PDCD2: variants seen among roughly 807,000 people sequenced by gnomAD.
PDCD2 encodes programmed cell death 2, also known as uS5 assembly chaperone PDCD2.
PDCD2 carries 38 observed loss-of-function variants against 38.1 expected under a neutral mutation model. The observed-to-expected ratio is 1.00, with a 90% CI of 0.77 to 1.31. The LOEUF is 1.31. Among genes scored for constraint, PDCD2 ranks in the 50% most tolerant of loss-of-function variants. The pLI is 0.00. For missense variants in PDCD2, 473 were observed against 435.7 expected (o/e 1.09, Z -0.76); for synonymous variants, 205 against 168.9 (o/e 1.21, Z -1.66).
Position 170,577,340 on chromosome 6 carries a change from T to TTA in PDCD2, c.*217_*218dup. On this transcript the variant is annotated 3_prime_UTR_variant, in exon 6 of 6. Transcript: ENST00000541970. ...TCTGTTGTCAATATAGGTGTTATAATTAAGACTGTGTAGCCTTCCTCTGTG... is the reference window on the plus strand; with the variant it reads ...TCTGTTGTCAATATAGGTGTTATAATTATAAGACTGTGTAGCCTTCCTCTGTG... 2.0e-6 allele frequency: 1 copy of TTA among 495,314 alleles called. No homozygotes were observed. The highest frequency in any genetic ancestry group is 3.6e-6 in the Non-Finnish European group (1 of 274,616). 30.7% of individuals were successfully genotyped at this position (495,314 alleles called of 1,614,324 possible).
intron 3 of PDCD2, chr6:170,581,013 A>G (rs549648288): frequency 2.0e-5 from 3 of 152,186 alleles, no homozygotes; most frequent in Non-Finnish European, 2.9e-5. Flanking sequence ...CCGTTAGGAC[A>G]CTGTAAATGC....
At chr6:170,580,403 C>G (rs1237051528) in intron 3 of PDCD2, among the ~76,000 whole-genome samples, 3 of 152,192 alleles carry the variant, frequency 2.0e-5, no homozygotes, top group African/African-American at 7.2e-5. Flanking sequence ...CTGGTAGGCT[C>G]ACTCACTCAG....
chr6:170,579,169 GT>G (rs751781506), intron 4 of PDCD2, 199 bp from the exon 5 acceptor site: 1 of 534,356 alleles, frequency 1.9e-6, no homozygotes, highest in Non-Finnish European at 3.3e-6. Context: ...GATTATTTCA[GT>G]TTATCTGACT....
intron 4 of PDCD2, chr6:170,579,688 G>T (rs1779541044): frequency 1.1e-5 from 2 of 190,134 alleles, no homozygotes; most frequent in Non-Finnish European, 2.1e-5. Context: ...GGGGCCAATG[G>T]TGCCTAAACC....
intron 3 of PDCD2, 58 bp downstream of exon 3, chr6:170,582,999 C>T (rs748570130): frequency 1.3e-6 from 2 of 1,572,786 alleles, no homozygotes; most frequent in Non-Finnish European, 1.7e-6. Context: ...CACATGGAGC[C>T]CTTTCTTCCA....
intron 1 of PDCD2, chr6:170,584,092 C>T: frequency 2.0e-6 from 1 of 507,370 alleles, no homozygotes; most frequent in East Asian, 3.5e-5. Flanking sequence ...GTTACCAATG[C>T]GCGTGGGCAC....
In PDCD2 at chr6:170,577,376, AATTT is replaced by A. The variant is rs1401429229; in HGVS notation, c.*179_*182del. The A allele has an allele frequency of 7.0e-6, 4 of 572,206 alleles. No homozygotes were observed. Among genetic ancestry groups the A allele is most frequent in the Admixed American group, 6.1e-5 (2 of 32,572 alleles). 35.4% of individuals were successfully genotyped at this position (572,206 alleles called of 1,614,324 possible). A position where few individuals can be genotyped will look rare whatever the true frequency, so the allele number is the denominator to read the frequency against. ...TAGCCTTCCTCTGTGGATGTACCAA[AATTT>A]ATTTAATTCCCTGTCACTGGACACT... is the stretch of plus-strand genomic sequence containing the variant. On this transcript the variant is annotated 3_prime_UTR_variant, in exon 6 of 6. Transcript: ENST00000541970.
Position 170,584,526 on chromosome 6 carries a change from G to T in PDCD2, c.56C>A (p.Ala19Glu). Residue 19 changes from alanine to glutamate, a missense_variant, in exon 1 of 6, where the codon GCG becomes GAG. Transcript: ENST00000541970. ...GAACTGCTCGCTGCGCAGTCGCCAC[G>T]CCGGCGCCGACTCGGCGAAGCCCAG... ...VELGFAESAP[A>E]WRLRSEQFPS... The T allele has an allele frequency of 7.3e-7, 1 of 1,364,584 alleles. No homozygotes were observed. Among genetic ancestry groups the T allele is most frequent in the Non-Finnish European group, 9.4e-7 (1 of 1,060,736 alleles). 84.5% of individuals were successfully genotyped at this position (1,364,584 alleles called of 1,614,324 possible).
chr6:170,583,995 A>C (rs1349447799), intron 1 of PDCD2: 5 of 553,228 alleles, frequency 9.0e-6, no homozygotes, highest in Non-Finnish European at 1.6e-5. Context: ...CAAAAATACG[A>C]AAAAGCTACT....
intron 1 of PDCD2, chr6:170,584,042 A>AT: frequency 1.8e-6 from 1 of 540,840 alleles, no homozygotes; most frequent in Non-Finnish European, 3.2e-6. Context: ...TATTATCTGA[A>AT]TTAACACCAT....
intron 2 of PDCD2, 135 bp downstream of exon 2, chr6:170,583,370 T>C (rs992024624): frequency 1.3e-5 from 13 of 1,036,188 alleles, no homozygotes; most frequent in Non-Finnish European, 1.5e-5. Context: ...TTTTTTTTTT[T>C]ACAAAGGTGT....
At chr6:170,582,435 T>A in intron 3 of PDCD2, 1 of 1,439,510 alleles carries the variant, frequency 6.9e-7, no homozygotes, top group Non-Finnish European at 9.1e-7. Context: ...AAATTTAATA[T>A]TATGTGACCA....
rs912549147 is a variant in PDCD2, at chr6:170,575,481, G to C, written c.*2078C>G. On this transcript the variant is annotated 3_prime_UTR_variant, in exon 6 of 6. Coordinates refer to ENST00000541970, the MANE Select transcript of PDCD2 (RefSeq NM_002598.4). ...ACTTTGTAGGTGTTGAGAAATGGTG[G>C]ATGCATGGACTGGCACCGTCTGTGG... is the stretch of plus-strand genomic sequence containing the variant. The C allele has an allele frequency of 6.6e-6, 1 of 152,174 alleles. No homozygotes were observed. Among genetic ancestry groups the C allele is most frequent in the Non-Finnish European group, 1.5e-5 (1 of 68,042 alleles). 9.4% of individuals were successfully genotyped at this position (152,174 alleles called of 1,614,324 possible). A position where few individuals can be genotyped will look rare whatever the true frequency, so the allele number is the denominator to read the frequency against.
At position 170,584,406 on chromosome 6, in the gene PDCD2, G is replaced by T; in HGVS notation, c.176C>A (p.Ser59Tyr). The stretch of plus-strand genomic sequence containing the variant: ...CGGCGCATACACCTGCAGCAGGAAG[G>T]AGAGCGGGCGGCCGCACAGCTCGCA... ...LACELCGRPL[S>Y]FLLQVYAPLP... Residue 59 changes from serine (S) to tyrosine (Y), a missense_variant, in exon 1 of 6, where the codon TCC (serine) becomes TAC (tyrosine). Transcript: ENST00000541970. The T allele has an allele frequency of 1.4e-6, 2 of 1,426,246 alleles. No homozygotes were observed. Among genetic ancestry groups the T allele is most frequent in the South Asian group, 1.6e-5 (1 of 63,738 alleles). The allele number at this position is 1,426,246 out of a possible 1,614,324, so 88.3% of individuals were successfully genotyped here.
Position 170,583,691 on chromosome 6 carries a change from C to A in PDCD2, c.340G>T (p.Glu114Ter). Residue 114 changes from glutamate (E) to a stop codon, truncating the protein, a stop_gained, in exon 2 of 6, where the codon GAG becomes TAG. Coordinates refer to ENST00000541970, the MANE Select transcript of PDCD2 (RefSeq NM_002598.4). LOFTEE classifies it high-confidence loss of function. The stretch of plus-strand genomic sequence containing the variant: ...TCTCCTGTTTCTGGGGGAGGATTCT[C>A]AGAAGGTGGCTCATATGAGTAAAAA... The part of the protein sequence containing the change: ...NDFYSYEPPS[E>*]NPPPETGESV... The A allele has an allele frequency of 6.2e-7, 1 of 1,613,858 alleles. No individual in the cohort carries two copies. Among genetic ancestry groups the A allele is most frequent in the Non-Finnish European group, 8.5e-7 (1 of 1,179,754 alleles).
rs532832776 is a variant in PDCD2, at chr6:170,584,594, C to T, written c.-13G>A. On this transcript the variant is annotated 5_prime_UTR_variant, in exon 1 of 6. Coordinates refer to ENST00000541970, the MANE Select transcript of PDCD2 (RefSeq NM_002598.4). ...CGGCGGCAGCCATGCGGGGCGCGGGCTGGCGTGGGGCGCAGCCCACAGCTG... is the reference window on the plus strand; with the variant it reads ...CGGCGGCAGCCATGCGGGGCGCGGGTTGGCGTGGGGCGCAGCCCACAGCTG... 5,254 of 1,255,462 alleles carry T rather than the reference C, an allele frequency of 4.2e-3. 16 individuals carry two copies. The highest frequency in any genetic ancestry group is 4.8e-3 in the Non-Finnish European group (4,838 of 999,586). 77.8% of individuals were successfully genotyped at this position (1,255,462 alleles called of 1,614,324 possible). A position where few individuals can be genotyped will look rare whatever the true frequency, so the allele number is the denominator to read the frequency against.
In PDCD2 at chr6:170,584,412, G is replaced by T. The variant is rs61756020; in HGVS notation, c.170C>A (p.Pro57Gln). 3,126 of 1,419,088 alleles carry T rather than the reference G, an allele frequency of 2.2e-3. 3 individuals carry two copies. The highest frequency in any genetic ancestry group is 2.6e-3 in the Non-Finnish European group (2,806 of 1,091,142). 87.9% of individuals were successfully genotyped at this position (1,419,088 alleles called of 1,614,324 possible). The change falls in exon 1 of 6, where the codon CCG becomes CAG. Residue 57 changes from proline to glutamine, a missense_variant. Transcript: ENST00000541970. ...ATACACCTGCAGCAGGAAGGAGAGC[G>T]GGCGGCCGCACAGCTCGCAGGCCAG... The part of the protein sequence containing the change: ...QALACELCGR[P>Q]LSFLLQVYAP...
chr6:170,579,274 G>A lies in PDCD2; in HGVS notation c.763-304C>T, dbSNP rs869188620. On this transcript the variant is annotated intron_variant, in intron 4 of 5. Coordinates refer to ENST00000541970, the MANE Select transcript of PDCD2 (RefSeq NM_002598.4). Reference sequence around the variant, plus strand: ...AATATATTGTGAAGGGACTAAGAATGAGCCTCTGCTCTAATTGCAGAATTC... The same window carrying A: ...AATATATTGTGAAGGGACTAAGAATAAGCCTCTGCTCTAATTGCAGAATTC... 10 of 272,494 alleles carry A rather than the reference G, an allele frequency of 3.7e-5. No homozygotes were observed. In the East Asian group the frequency reaches 7.5e-4, roughly 20 times the overall value. 16.9% of individuals were successfully genotyped at this position (272,494 alleles called of 1,614,324 possible).
chr6:170,582,851 T>C, intron 3 of PDCD2: 1 of 1,362,622 alleles, frequency 7.3e-7, no homozygotes, highest in Non-Finnish European at 9.4e-7. Flanking sequence ...CCCACCCTTG[T>C]CTTTACAGGG....
Sources: allele counts gnomAD v4.1 joint callset (sites outside exome capture counted in the v4.1 genomes callset), GRCh38; gene constraint gnomAD v4.1.1; transcripts MANE v1.5; gene names NCBI Gene and HGNC (gene_info 2026-07-23, HGNC 2026-07-21).